HTRA1: variants seen among roughly 807,000 people sequenced by gnomAD.
HTRA1 encodes serine protease HTRA1.
A neutral mutation model predicts 49.7 loss-of-function variants in HTRA1; 26 were observed. The ratio of observed to expected loss-of-function variants is 0.52; its 90% confidence interval spans 0.38 to 0.73. The LOEUF (loss-of-function observed/expected upper bound fraction) is 0.73. Ranked by LOEUF, HTRA1 falls within the 30% of genes least tolerant of loss-of-function variation. The pLI, the probability that HTRA1 is intolerant of heterozygous loss-of-function variation, is 0.00. For synonymous variants in HTRA1, 291 were observed against 286.9 expected (o/e 1.01, Z -0.14); for missense variants, 561 against 667.2 (o/e 0.84, Z 1.75).
intron 3 of HTRA1, among the ~76,000 whole-genome samples, chr10:122,503,317 G>T (rs1834691098): frequency 6.6e-6 from 1 of 152,226 alleles, no homozygotes; most frequent in Non-Finnish European, 1.5e-5. Context: ...TAGGAATTTG[G>T]CCAGCAGAGG....
Position 122,508,777 on chromosome 10 carries a change from A to G in HTRA1, c.1120+7A>G, listed in dbSNP as rs749459649. On this transcript the variant is annotated splice_region_variant and intron_variant, in intron 6 of 8. Transcript: ENST00000368984. ...CATGACCGACAGGCCAAAGGTAGGC[A>G]AGGCCCACACAGCCCTGGGGACTCC... 6.5e-7 allele frequency: 1 copy of G among 1,549,316 alleles called. No individual in the cohort carries two copies. The highest frequency in any genetic ancestry group is 8.9e-7 in the Non-Finnish European group (1 of 1,120,922).
intron 3 of HTRA1, among the ~76,000 whole-genome samples, chr10:122,500,030 C>T (rs373117787): frequency 6.6e-6 from 1 of 152,152 alleles, no homozygotes; most frequent in East Asian, 1.9e-4. Flanking sequence ...AAAAGAGTTG[C>T]CAACTTTTTC....
chr10:122,479,684 T>C (rs1447600179), intron 1 of HTRA1, among the ~76,000 whole-genome samples: 4 of 150,668 alleles, frequency 2.7e-5, no homozygotes, highest in Non-Finnish European at 5.9e-5. Flanking sequence ...ACTTTGGAGG[T>C]GTGGGGAGAG....
chr10:122,503,576 A>T (rs2097501818), intron 3 of HTRA1, among the ~76,000 whole-genome samples: 1 of 152,172 alleles, frequency 6.6e-6, no homozygotes, highest in African/African-American at 2.4e-5. Context: ...ATGAACATGT[A>T]CTGGGCGTGT....
intron 3 of HTRA1, among the ~76,000 whole-genome samples, chr10:122,495,595 C>T (rs1415427232): frequency 6.6e-6 from 1 of 152,062 alleles, no homozygotes; most frequent in Non-Finnish European, 1.5e-5. Context: ...TTCTCTGGCC[C>T]GGATTCAAGA....
Position 122,464,746 on chromosome 10 carries a change from C to T in HTRA1, c.472+2622C>T, listed in dbSNP as rs147580665. Among the ~76,000 whole-genome samples, 78 of 152,356 alleles carry T rather than the reference C, an allele frequency of 5.1e-4. No homozygotes were observed. The highest frequency in any genetic ancestry group is 8.7e-4 in the Non-Finnish European group (59 of 68,036). ...GTCCAAGCCAGGCTCCAGGACTCAACAGCTGGTGCCCACGGGCAGGTCACT... is the reference window on the plus strand; with the variant it reads ...GTCCAAGCCAGGCTCCAGGACTCAATAGCTGGTGCCCACGGGCAGGTCACT... On this transcript the variant is annotated intron_variant, in intron 1 of 8. Transcript: ENST00000368984. This position sits in a 1 kb window ranked among gnomAD's most constrained non-coding sequence, Gnocchi z 4.8.
At chr10:122,513,663 A>C (rs980194765) in intron 8 of HTRA1, among the ~76,000 whole-genome samples, 15 of 148,606 alleles carry the variant, frequency 1.0e-4, no homozygotes, top group Non-Finnish European at 1.8e-4. Flanking sequence ...AGAGTGGGGA[A>C]AAAAGAACAT....
At chr10:122,477,554 A>T (rs760375306) in intron 1 of HTRA1, among the ~76,000 whole-genome samples, 1 of 152,154 alleles carries the variant, frequency 6.6e-6, no homozygotes, top group Admixed American at 6.5e-5. Context: ...ATTCCCAAAG[A>T]TTATTCCAAG....
In HTRA1 at chr10:122,461,963, G is replaced by C. The variant is rs1205241034; in HGVS notation, c.311G>C (p.Arg104Pro). 1 of 1,502,064 alleles carries C rather than the reference G, an allele frequency of 6.7e-7. No individual in the cohort carries two copies. Among genetic ancestry groups the C allele is most frequent in the Non-Finnish European group, 8.8e-7 (1 of 1,133,022 alleles). 93.0% of individuals were successfully genotyped at this position (1,502,064 alleles called of 1,614,324 possible). The change falls in exon 1 of 9, where the codon CGC becomes CCC. Residue 104 changes from arginine to proline, a missense_variant. Transcript: ENST00000368984. Reference protein sequence around the residue: ...GVPASATVRRRAQAGLCVCAS... With the variant: ...GVPASATVRRPAQAGLCVCAS... ...CCAGCCTCGGCCACGGTGCGGCGGC[G>C]CGCGCAGGCCGGCCTCTGTGTGTGC...
chr10:122,486,603 G>A lies in HTRA1; in HGVS notation c.473-2299G>A, dbSNP rs1156278076. Among the ~76,000 whole-genome samples the A allele has an allele frequency of 3.3e-5, 5 of 152,274 alleles. No individual in the cohort carries two copies. The East Asian group carries it at 5.8e-4, about 18-fold the overall frequency. On this transcript the variant is annotated intron_variant, in intron 1 of 8. Transcript: ENST00000368984. ...TCAAGCTGGGTTACTATGGCCCTTC[G>A]TGACCCAGTGCAGCAGGGATGTGGG...
chr10:122,481,320 C>T (rs1004958136), intron 1 of HTRA1, among the ~76,000 whole-genome samples: 3 of 152,110 alleles, frequency 2.0e-5, no homozygotes. Flanking sequence ...TTAACCTGAA[C>T]AAAATGATTA....
intron 7 of HTRA1, among the ~76,000 whole-genome samples, 154 bp downstream of exon 7, chr10:122,510,307 C>G (rs550472243): frequency 6.6e-6 from 1 of 152,324 alleles, no homozygotes; most frequent in East Asian, 1.9e-4. Flanking sequence ...GAGGACAGGT[C>G]ATTAGCCTTG....
chr10:122,491,419 T>A (rs1428462200), intron 3 of HTRA1, among the ~76,000 whole-genome samples: 1 of 152,198 alleles, frequency 6.6e-6, no homozygotes, highest in African/African-American at 2.4e-5. Flanking sequence ...AAGGAGCCAG[T>A]CAGAATAGCA....
chr10:122,502,875 A>C (rs2097501531), intron 3 of HTRA1, among the ~76,000 whole-genome samples: 1 of 152,158 alleles, frequency 6.6e-6, no homozygotes, highest in Non-Finnish European at 1.5e-5. Flanking sequence ...CCACACTTGC[A>C]TTTTCTTTTC....
In HTRA1 at chr10:122,506,979, G is replaced by A. The variant is rs2097503328; in HGVS notation, c.972+94G>A. The stretch of plus-strand genomic sequence containing the variant: ...GGTCTTAGCCCCTGACTTTGTTGTA[G>A]TCTGCGTGAAGGGATGGAACTAGAC... On this transcript the variant is annotated intron_variant, in intron 4 of 8. Coordinates refer to ENST00000368984, the MANE Select transcript of HTRA1 (RefSeq NM_002775.5). This position sits in a 1 kb window ranked among gnomAD's most constrained non-coding sequence, Gnocchi z 5.2. 1.7e-6 allele frequency: 2 copies of A among 1,172,958 alleles called. No individual in the cohort carries two copies. The highest frequency in any genetic ancestry group is 1.3e-5 in the South Asian group (1 of 77,968). The allele number at this position is 1,172,958 out of a possible 1,614,324, so 72.7% of individuals were successfully genotyped here. A position where few individuals can be genotyped will look rare whatever the true frequency, so the allele number is the denominator to read the frequency against.
At chr10:122,507,075 G>A (rs2097503372) in intron 4 of HTRA1, among the ~76,000 whole-genome samples, 190 bp downstream of exon 4, 1 of 152,206 alleles carries the variant, frequency 6.6e-6, no homozygotes, top group Non-Finnish European at 1.5e-5. Flanking sequence ...ACCGGAGCAG[G>A]TGGACAGCCA....
At position 122,462,130 on chromosome 10, in the gene HTRA1, C is replaced by A. The variant is rs550039968; in HGVS notation, c.472+6C>A. ...GCGCGGAGCCTGCGGCCAAGGTACTCCGCCGCGCTCCTGGGCAGCTCCCCA... is the reference window on the plus strand; with the variant it reads ...GCGCGGAGCCTGCGGCCAAGGTACTACGCCGCGCTCCTGGGCAGCTCCCCA... On this transcript the variant is annotated splice_donor_region_variant and intron_variant, in intron 1 of 8. Coordinates refer to ENST00000368984, the MANE Select transcript of HTRA1 (RefSeq NM_002775.5). 3.8e-4 allele frequency: 587 copies of A among 1,529,110 alleles called. 7 individuals are homozygous for A. The East Asian group carries it at 0.014, about 36-fold the overall frequency. 94.7% of individuals were successfully genotyped at this position (1,529,110 alleles called of 1,614,324 possible). A position where few individuals can be genotyped will look rare whatever the true frequency, so the allele number is the denominator to read the frequency against.
intron 1 of HTRA1, among the ~76,000 whole-genome samples, chr10:122,480,715 C>T (rs1304204218): frequency 2.0e-5 from 3 of 152,156 alleles, no homozygotes; most frequent in Admixed American, 2.0e-4. Flanking sequence ...ACAGTGGGAC[C>T]TGCCACCTGA....
At chr10:122,510,219 C>A in intron 7 of HTRA1, 66 bp downstream of exon 7, 1 of 1,312,906 alleles carries the variant, frequency 7.6e-7, no homozygotes, top group Non-Finnish European at 1.1e-6. Context: ...AAGGTGCTCA[C>A]GGGCACCCCT....
Sources: allele counts gnomAD v4.1 joint callset (sites outside exome capture counted in the v4.1 genomes callset), GRCh38; gene constraint gnomAD v4.1.1; non-coding constraint Gnocchi (gnomAD v3.1); transcripts MANE v1.5; gene names NCBI Gene and HGNC (gene_info 2026-07-23, HGNC 2026-07-21).